TTC13: variants seen among roughly 807,000 people sequenced by gnomAD.
TTC13 encodes tetratricopeptide repeat protein 13.
TTC13 carries 62 observed loss-of-function variants against 120.0 expected under a neutral mutation model. The ratio of observed to expected loss-of-function variants is 0.52; its 90% CI spans 0.42 to 0.64. TTC13 has a LOEUF of 0.64. TTC13 is among the 30% of genes least tolerant of loss of function. The pLI, the probability that TTC13 is intolerant of heterozygous loss-of-function variation, is 0.00. For missense variants in TTC13, 824 were observed against 1,050.2 expected, an observed-to-expected ratio of 0.78 and a Z score of 2.98; for synonymous variants, 384 against 393.5, an observed-to-expected ratio of 0.98 and a Z score of 0.28.
chr1:230,963,751 C>T (rs1243582659), intron 1 of TTC13, among the ~76,000 whole-genome samples: 2 of 152,100 alleles, frequency 1.3e-5, no homozygotes, highest in South Asian at 2.1e-4. Context: ...GAGTGGTACA[C>T]GCAAAGGTAC....
At chr1:230,964,929 A>C (rs535557100) in intron 1 of TTC13, among the ~76,000 whole-genome samples, 1 of 152,338 alleles carries the variant, frequency 6.6e-6, no homozygotes, top group South Asian at 2.1e-4. Context: ...ATCCATATGC[A>C]AAAGAATGAA....
At chr1:230,943,438 G>A (rs1399664973) in intron 6 of TTC13, among the ~76,000 whole-genome samples, 2 of 151,602 alleles carry the variant, frequency 1.3e-5, no homozygotes, top group Non-Finnish European at 2.9e-5. Context: ...GTAGGGACAT[G>A]GATGAAACTG....
Position 230,951,374 on chromosome 1 carries a change from TA to T in TTC13, c.513+2958del, listed in dbSNP as rs1225960531. Among the ~76,000 whole-genome samples, 418 of 135,426 alleles carry T rather than the reference TA, an allele frequency of 3.1e-3. 1 individual carries two copies. The highest frequency in any genetic ancestry group is 2.9e-3 in the Non-Finnish European group (183 of 62,286). 88.8% of individuals were successfully genotyped at this position (135,426 alleles called of 152,430 possible). On this transcript the variant is annotated intron_variant, in intron 4 of 22. Coordinates refer to ENST00000366661, the MANE Select transcript of TTC13 (RefSeq NM_024525.5). ...TTCATACTGGAGCTCATGAGCTGTC[TA>T]AAAAAAAAAAAAAGATTGCCAAGAG...
chr1:230,961,338 C>T (rs750335378), intron 1 of TTC13, 35 bp from the exon 2 acceptor site: 1 of 1,470,422 alleles, frequency 6.8e-7, no homozygotes, highest in Non-Finnish European at 9.5e-7. Flanking sequence ...TTCTCTACAC[C>T]TTAATTTATG....
chr1:230,961,377 T>C, intron 1 of TTC13, 74 bp from the exon 2 acceptor site: 2 of 1,126,214 alleles, frequency 1.8e-6, no homozygotes, highest in Non-Finnish European at 1.3e-6. Flanking sequence ...TGAATTAGAA[T>C]TTTTAGACTC....
At chr1:230,933,937 T>G in intron 8 of TTC13, 76 bp from the exon 9 acceptor site, 1 of 929,234 alleles carries the variant, frequency 1.1e-6, no homozygotes, top group East Asian at 2.6e-5. Flanking sequence ...ATAAAAGGAT[T>G]TAAATATATA....
At chr1:230,948,629 A>T (rs1675240345) in intron 4 of TTC13, among the ~76,000 whole-genome samples, 1 of 151,996 alleles carries the variant, frequency 6.6e-6, no homozygotes, top group African/African-American at 2.4e-5. Flanking sequence ...CTGAGGCTAT[A>T]GGAGTGCACG....
chr1:230,907,488 C>G (rs1161848001), intron 22 of TTC13, among the ~76,000 whole-genome samples: 3 of 152,240 alleles, frequency 2.0e-5, no homozygotes, highest in Non-Finnish European at 4.4e-5. Context: ...TGTAAGGTAG[C>G]ATTGTTATTC....
At chr1:230,927,291 A>C (rs1337777893) in intron 12 of TTC13, among the ~76,000 whole-genome samples, 1 of 152,216 alleles carries the variant, frequency 6.6e-6, no homozygotes, top group Non-Finnish European at 1.5e-5. Flanking sequence ...ATTCAGCTTT[A>C]CTAGATAATG....
chr1:230,956,419 A>C, intron 3 of TTC13: 1 of 207,120 alleles, frequency 4.8e-6, no homozygotes. Flanking sequence ...TCTGCCACTC[A>C]CCAGCCGTGT....
intron 6 of TTC13, among the ~76,000 whole-genome samples, chr1:230,941,460 T>C: frequency 6.6e-6 from 1 of 152,174 alleles, no homozygotes; most frequent in East Asian, 1.9e-4. Flanking sequence ...CATGCCCTGC[T>C]AATTTATTTT....
chr1:230,922,844 T>C (rs1672707626), intron 15 of TTC13, among the ~76,000 whole-genome samples: 1 of 152,226 alleles, frequency 6.6e-6, no homozygotes, highest in African/African-American at 2.4e-5. Flanking sequence ...GGTGGGGCTG[T>C]ATCTCCCTTC....
intron 3 of TTC13, among the ~76,000 whole-genome samples, chr1:230,957,608 G>A (rs181355175): frequency 7.0e-4 from 107 of 152,332 alleles, no homozygotes; most frequent in Non-Finnish European, 8.5e-4. Context: ...CAGTTGCACT[G>A]CTCAGCCCTG....
intron 12 of TTC13, 138 bp downstream of exon 12, chr1:230,928,799 G>A: frequency 1.3e-6 from 1 of 762,724 alleles, no homozygotes; most frequent in Non-Finnish European, 2.1e-6. Context: ...CACAAGGATA[G>A]TATGCTTGAT....
At chr1:230,934,509 T>A (rs191398175) in intron 8 of TTC13, among the ~76,000 whole-genome samples, 4 of 152,362 alleles carry the variant, frequency 2.6e-5, no homozygotes, top group Admixed American at 2.6e-4. Context: ...CACTATCCTT[T>A]GGGAAGCTAT....
chr1:230,960,905 AG>A (rs1456255601), intron 2 of TTC13, among the ~76,000 whole-genome samples: 1 of 152,218 alleles, frequency 6.6e-6, no homozygotes, highest in Non-Finnish European at 1.5e-5. Context: ...ACATATGCAA[AG>A]GTTGGAAAAA....
At chr1:230,959,848 C>T (rs1012116117) in intron 2 of TTC13, among the ~76,000 whole-genome samples, 1 of 152,272 alleles carries the variant, frequency 6.6e-6, no homozygotes, top group East Asian at 1.9e-4. Context: ...TCCCTGCTTA[C>T]ACTTCAGTTC....
At chr1:230,911,692 T>G (rs977182681) in intron 19 of TTC13, 143 bp from the exon 20 acceptor site, 10 of 533,338 alleles carry the variant, frequency 1.9e-5, no homozygotes, top group Middle Eastern at 4.9e-4. Flanking sequence ...TTTCAAATTC[T>G]TGAATATTCT....
At position 230,975,850 on chromosome 1, in the gene TTC13, T is replaced by C. The variant is rs114213273; in HGVS notation, c.271+2710A>G. ...GCCCACTGAGCATTAGGCTGTTCCCTGGGACATGGATGCCATGTGACGGTG... is the reference window on the plus strand; with the variant it reads ...GCCCACTGAGCATTAGGCTGTTCCCCGGGACATGGATGCCATGTGACGGTG... On this transcript the variant is annotated intron_variant, in intron 1 of 22. Transcript: ENST00000366661. 5.0e-3 allele frequency among the ~76,000 whole-genome samples: 756 copies of C among 152,282 alleles called. 6 individuals are homozygous for C. The highest frequency in any genetic ancestry group is 0.017 in the African/African-American group (709 of 41,566).
Sources: gnomAD v4.1 joint callset for allele counts (sites outside exome capture counted in the v4.1 genomes callset) on GRCh38, gnomAD v4.1.1 for gene constraint, MANE v1.5 for transcripts, NCBI Gene and HGNC (gene_info 2026-07-23, HGNC 2026-07-21) for gene names.